The following TMLHE variants were observed in gnomAD, a reference collection of about 807,000 sequenced individuals.
TMLHE encodes the protein trimethyllysine dioxygenase, mitochondrial.
A neutral mutation model predicts 25.7 loss-of-function variants in TMLHE; 18 were observed. The observed-to-expected ratio is 0.70, with a 90% CI of 0.48 to 1.04. TMLHE has a LOEUF of 1.04. Ranked by LOEUF, TMLHE falls within the 50% of genes least tolerant of loss-of-function variation. The pLI, the probability that TMLHE is intolerant of heterozygous loss-of-function variation, is 0.00. For synonymous variants in TMLHE, 105 were observed against 97.0 expected (o/e 1.08, Z -0.49); for missense variants, 236 against 259.0 (o/e 0.91, Z 0.61).
At chrX:155,583,215 T>C (rs1367028499) in intron 1 of TMLHE, among the ~76,000 whole-genome samples, 1 of 111,129 alleles carries the variant, frequency 9.0e-6, no homozygotes, top group Non-Finnish European at 1.9e-5. Context: ...GAGATATACC[T>C]AATGTAAATG....
chrX:155,595,414 C>A (rs1291759948), intron 1 of TMLHE, among the ~76,000 whole-genome samples: 1 of 111,937 alleles, frequency 8.9e-6, no homozygotes, highest in Non-Finnish European at 1.9e-5. Context: ...TAGTGCAATG[C>A]CATAAACCTT....
chrX:155,598,192 GC>G (rs1338461051), intron 1 of TMLHE, among the ~76,000 whole-genome samples: 1 of 111,522 alleles, frequency 9.0e-6, no homozygotes, highest in Non-Finnish European at 1.9e-5. Context: ...CCGAACCAGT[GC>G]CAGATTATGA....
intron 2 of TMLHE, among the ~76,000 whole-genome samples, chrX:155,529,554 G>C (rs1557336857): frequency 9.0e-6 from 1 of 111,371 alleles, no homozygotes; most frequent in Admixed American, 9.5e-5. Flanking sequence ...ATGGGTGTCA[G>C]GTGGTATATC....
At chrX:155,512,277 A>T (rs1302029316) in intron 4 of TMLHE, among the ~76,000 whole-genome samples, 1 of 107,363 alleles carries the variant, frequency 9.3e-6, no homozygotes, top group Non-Finnish European at 1.9e-5. Flanking sequence ...CTAACTCATC[A>T]TCTAGCATTA....
At chrX:155,521,974 C>A (rs1189811295) in intron 3 of TMLHE, among the ~76,000 whole-genome samples, 1 of 106,994 alleles carries the variant, frequency 9.3e-6, no homozygotes, top group African/African-American at 3.4e-5. Context: ...GCAGAAATCA[C>A]CCGTCTTCTG....
In TMLHE at chrX:155,578,568, C is replaced by T. The variant is rs189881565; in HGVS notation, c.-1-33291G>A. The stretch of plus-strand genomic sequence containing the variant: ...CCATTGCTGCCACGGCAAAGACGAG[C>T]TTCAACCACATAGGTTGTAGGAGGA... On this transcript the variant is annotated intron_variant, in intron 1 of 7. Coordinates refer to ENST00000334398, the MANE Select transcript of TMLHE (RefSeq NM_018196.4). 5.4e-5 allele frequency among the ~76,000 whole-genome samples: 6 copies of T among 112,132 alleles called. No homozygotes were observed. The East Asian group carries it at 1.7e-3, about 31-fold the overall frequency.
chrX:155,535,124 C>T (rs1407303234), intron 2 of TMLHE, among the ~76,000 whole-genome samples: 24 of 111,783 alleles, frequency 2.1e-4, no homozygotes, highest in Non-Finnish European at 1.3e-4. Flanking sequence ...AAATAAATGT[C>T]TGTTGTTTAA....
intron 1 of TMLHE, among the ~76,000 whole-genome samples, chrX:155,572,895 C>T (rs2067564412): frequency 1.7e-5 from 1 of 57,421 alleles, no homozygotes; most frequent in African/African-American, 4.1e-5. Flanking sequence ...ATAAGAAAAC[C>T]TAGGCATTAC....
At chrX:155,608,418 T>G (rs1354620896) in intron 1 of TMLHE, among the ~76,000 whole-genome samples, 1 of 111,637 alleles carries the variant, frequency 9.0e-6, no homozygotes, top group African/African-American at 3.3e-5. Context: ...CCAAAATGGA[T>G]TAGACTTAAA....
chrX:155,591,416 A>G (rs2124485215), intron 1 of TMLHE, among the ~76,000 whole-genome samples: 1 of 112,179 alleles, frequency 8.9e-6, no homozygotes, highest in East Asian at 2.8e-4. Flanking sequence ...AGAAAAGACA[A>G]TATGCAAGGT....
At chrX:155,518,301 T>G (rs1251359076) in intron 3 of TMLHE, among the ~76,000 whole-genome samples, 1 of 87,317 alleles carries the variant, frequency 1.1e-5, no homozygotes, top group Admixed American at 1.3e-4. Flanking sequence ...TCTTTGGCTC[T>G]GTTTATATGC....
intron 1 of TMLHE, among the ~76,000 whole-genome samples, chrX:155,558,191 T>C: frequency 8.9e-6 from 1 of 111,873 alleles, no homozygotes; most frequent in African/African-American, 3.2e-5. Flanking sequence ...TAACCCCAGA[T>C]TTACCATGTT....
At chrX:155,577,351 G>A (rs986317514) in intron 1 of TMLHE, among the ~76,000 whole-genome samples, 24 of 111,380 alleles carry the variant, frequency 2.2e-4, no homozygotes, top group African/African-American at 7.5e-4. Context: ...GCCAAGGCGG[G>A]TGGATTGCCT....
chrX:155,549,400 T>A (rs2067396029), intron 1 of TMLHE, among the ~76,000 whole-genome samples: 1 of 110,333 alleles, frequency 9.1e-6, no homozygotes, highest in Non-Finnish European at 1.9e-5. Flanking sequence ...TTGGGGAAGT[T>A]TCCTTCAATT....
At chrX:155,543,710 T>C (rs2067326367) in intron 2 of TMLHE, among the ~76,000 whole-genome samples, 1 of 112,566 alleles carries the variant, frequency 8.9e-6, no homozygotes, top group Admixed American at 9.4e-5. Context: ...ACCTGTGTCA[T>C]ATGTAAGTCT....
intron 2 of TMLHE, among the ~76,000 whole-genome samples, chrX:155,535,549 T>A (rs1426690738): frequency 8.9e-6 from 1 of 112,350 alleles, no homozygotes; most frequent in Non-Finnish European, 1.9e-5. Context: ...GGAGTTAGGC[T>A]TCAACATATG....
intron 1 of TMLHE, among the ~76,000 whole-genome samples, chrX:155,548,515 C>T (rs1408710262): frequency 9.2e-6 from 1 of 108,310 alleles, no homozygotes. Flanking sequence ...GCGGGCGGAT[C>T]ACAAGGTCAG....
At chrX:155,560,065 T>C (rs1557341559) in intron 1 of TMLHE, among the ~76,000 whole-genome samples, 1 of 112,268 alleles carries the variant, frequency 8.9e-6, no homozygotes, top group African/African-American at 3.2e-5. Flanking sequence ...TAATTATTTT[T>C]CTTACCTCAA....
chrX:155,539,538 T>G (rs2067298893), intron 2 of TMLHE, among the ~76,000 whole-genome samples: 1 of 111,742 alleles, frequency 8.9e-6, no homozygotes, highest in African/African-American at 3.3e-5. Context: ...CTGGGCTAAT[T>G]GGAGAATGTC....
Sources: gnomAD v4.1 joint callset for allele counts (sites outside exome capture counted in the v4.1 genomes callset) on GRCh38, gnomAD v4.1.1 for gene constraint, MANE v1.5 for transcripts, NCBI Gene and HGNC (gene_info 2026-07-23, HGNC 2026-07-21) for gene names.